The following CYP19A1 variants were observed in gnomAD, a reference collection of about 807,000 sequenced individuals.
The protein encoded by CYP19A1 is aromatase.
CYP19A1 carries 32 observed loss-of-function variants against 44.4 expected under a neutral mutation model. The ratio of observed to expected loss-of-function variants is 0.72; its 90% CI spans 0.54 to 0.97. The LOEUF (loss-of-function observed/expected upper bound fraction) is 0.97. CYP19A1 is among the 50% of genes least tolerant of loss of function. The pLI is 0.00. For synonymous variants in CYP19A1, 212 were observed against 215.6 expected (o/e 0.98, Z 0.14); for missense variants, 598 against 637.8 (o/e 0.94, Z 0.67).
intron 2 of CYP19A1, among the ~76,000 whole-genome samples, chr15:51,238,791 C>G (rs747780818): frequency 6.6e-6 from 1 of 152,104 alleles, no homozygotes; most frequent in Non-Finnish European, 1.5e-5. Context: ...AGAAGAGAAC[C>G]AGAGTTTTGA....
intron 1 of CYP19A1, among the ~76,000 whole-genome samples, chr15:51,264,418 T>TTGGTTAGTAGGGGAGACAGGGTGAATTGG (rs1368386151): frequency 6.6e-6 from 1 of 151,538 alleles, no homozygotes; most frequent in African/African-American, 2.4e-5. Flanking sequence ...ACCAAAGCCT[T>TTGGTTAGTAGGGGAGACAGGGTGAATTGG]TGGTTAGTAG....
At chr15:51,243,321 A>G (rs1720412845) in intron 1 of CYP19A1, among the ~76,000 whole-genome samples, 1 of 152,216 alleles carries the variant, frequency 6.6e-6, no homozygotes, top group African/African-American at 2.4e-5. Flanking sequence ...TTGTGACTTC[A>G]TCAGCAGGTT....
Position 51,212,476 on chromosome 15 carries a change from G to T in CYP19A1, c.1107C>A (p.Val369=), listed in dbSNP as rs767322330. ...AGGCTTTGCGCATGACCAAGTCCAC[G>T]ACAGGCTGGTACCGCATGCTCTCAT... is the stretch of plus-strand genomic sequence containing the variant. The part of the protein sequence containing the change: ...FIYESMRYQP[V]VDLVMRKALE... The change falls in exon 9 of 10, where the codon GTC becomes GTA. Residue 369 remains valine (V), a synonymous_variant. Coordinates refer to ENST00000396402, the MANE Select transcript of CYP19A1 (RefSeq NM_000103.4). The T allele has an allele frequency of 2.7e-5, 43 of 1,605,776 alleles. No individual in the cohort carries two copies. In the Middle Eastern group the frequency reaches 6.6e-4, roughly 25 times the overall value.
chr15:51,231,616 CACACATGCGCACACA>C (rs907548878), intron 3 of CYP19A1, among the ~76,000 whole-genome samples: 67 of 151,558 alleles, frequency 4.4e-4, no homozygotes, highest in African/African-American at 1.4e-3. Context: ...AAAGAAAAAC[CACACATGCGCACACA>C]TGTGTGCGCA....
intron 1 of CYP19A1, among the ~76,000 whole-genome samples, chr15:51,337,488 A>G (rs887105577): frequency 2.0e-5 from 3 of 152,256 alleles, no homozygotes; most frequent in Admixed American, 2.0e-4. Flanking sequence ...CTTGAGTAGC[A>G]TATCTAAAGT....
Position 51,212,417 on chromosome 15 carries a change from T to C in CYP19A1, c.1166A>G (p.Lys389Arg), listed in dbSNP as rs566597566. 51 of 1,606,556 alleles carry C rather than the reference T, an allele frequency of 3.2e-5. No homozygotes were observed. The highest frequency in any genetic ancestry group is 4.1e-5 in the Non-Finnish European group (48 of 1,173,178). The change falls in exon 9 of 10, where the codon AAA (lysine) becomes AGA (arginine). Residue 389 changes from lysine (K) to arginine (R), a missense_variant. Lys to Arg is a conservative substitution (Grantham distance 26, BLOSUM62 2). Transcript: ENST00000396402. ...EDDVIDGYPV[K>R]KGTNIILNIG... ...ATTCAGGATAATGTTTGTCCCCTTT[T>C]TCACTGGGTAGCCATCGATTACATC...
intron 1 of CYP19A1, among the ~76,000 whole-genome samples, chr15:51,324,472 C>T (rs1344893457): frequency 6.6e-6 from 1 of 152,202 alleles, no homozygotes; most frequent in Non-Finnish European, 1.5e-5. Flanking sequence ...TGATTGAGCC[C>T]CACTCTGATG....
rs1306286131 is a variant in CYP19A1, at chr15:51,300,391, ACT to A, written c.-39+38102_-39+38103del. Reference sequence around the variant, plus strand: ...TATTAGCTTCTCAGTGAGGAATAAGACTCTCAAGAAATCACTTTGGTGCATTT... The same window carrying A: ...TATTAGCTTCTCAGTGAGGAATAAGACTCAAGAAATCACTTTGGTGCATTT... On this transcript the variant is annotated intron_variant, in intron 1 of 9. Coordinates refer to ENST00000396402, the MANE Select transcript of CYP19A1 (RefSeq NM_000103.4). Among the ~76,000 whole-genome samples the A allele has an allele frequency of 7.2e-5, 11 of 152,210 alleles. No homozygotes were observed. In the South Asian group the frequency reaches 1.2e-3, roughly 17 times the overall value.
Position 51,285,873 on chromosome 15 carries a change from C to T in CYP19A1, c.-38-42923G>A, listed in dbSNP as rs141482033. On this transcript the variant is annotated intron_variant, in intron 1 of 9. Coordinates refer to ENST00000396402, the MANE Select transcript of CYP19A1 (RefSeq NM_000103.4). ...CTGTGTTTTCTCATTCCTTTGACTC[C>T]GCCAGACTTCGTCACCACCAAGGCC... 4.0e-4 allele frequency among the ~76,000 whole-genome samples: 61 copies of T among 152,268 alleles called. No individual in the cohort carries two copies. In the East Asian group the frequency reaches 5.6e-3, roughly 14 times the overall value.
rs2031524166 is a variant in CYP19A1 at position 51,215,874 on chromosome 15, C to A, written c.744-57G>T. 1.6e-5 allele frequency: 26 copies of A among 1,607,424 alleles called. No individual in the cohort carries two copies. In the South Asian group the frequency reaches 2.7e-4, roughly 17 times the overall value. On this transcript the variant is annotated intron_variant, in intron 6 of 9. Coordinates refer to ENST00000396402, the MANE Select transcript of CYP19A1 (RefSeq NM_000103.4). ...TACTCAGTTTAGACATCTAGCGAAA[C>A]AGATTTATTTGCCATGTATTTAGGT...
chr15:51,210,686 C>G lies in CYP19A1; in HGVS notation c.*122G>C, dbSNP rs749188409. ...TTGGTGACAACCCATAGGAGGTATG[C>G]CTATAAAATGCCATGGGCCACTGAG... On this transcript the variant is annotated 3_prime_UTR_variant, in exon 10 of 10. Transcript: ENST00000396402. 1 of 786,796 alleles carries G rather than the reference C, an allele frequency of 1.3e-6. No homozygotes were observed. Among genetic ancestry groups the G allele is most frequent in the East Asian group, 2.4e-5 (1 of 41,162 alleles). The allele number at this position is 786,796 out of a possible 1,614,324, so 48.7% of individuals were successfully genotyped here.
chr15:51,238,936 C>A (rs2033582120), intron 2 of CYP19A1, among the ~76,000 whole-genome samples: 1 of 152,026 alleles, frequency 6.6e-6, no homozygotes, highest in Non-Finnish European at 1.5e-5. Context: ...AGTCTAGGGG[C>A]AAGAGAGGAG....
rs28757192 is a variant in CYP19A1 at position 51,215,413 on chromosome 15, C to T, written c.859-181G>A. ...TTAGCTGAAAGATGAACGATTAGGC[C>T]GACTGTCTATGTATATGTAGTGTCT... On this transcript the variant is annotated intron_variant, in intron 7 of 9. Transcript: ENST00000396402. Among the ~76,000 whole-genome samples the T allele has an allele frequency of 0.037, 5,577 of 152,196 alleles. 126 individuals carry two copies. Among genetic ancestry groups the T allele is most frequent in the African/African-American group, 0.06 (2,500 of 41,500 alleles).
intron 1 of CYP19A1, among the ~76,000 whole-genome samples, chr15:51,335,819 A>G (rs895456553): frequency 6.6e-6 from 1 of 152,226 alleles, no homozygotes; most frequent in Non-Finnish European, 1.5e-5. Flanking sequence ...TAAAGGCCTC[A>G]GCCCTACAAG....
chr15:51,214,884 A>T lies in CYP19A1; in HGVS notation c.1021+186T>A, dbSNP rs1019548276. 7.4e-6 allele frequency: 7 copies of T among 947,508 alleles called. No individual in the cohort carries two copies. In the African/African-American group the frequency reaches 1.0e-4, roughly 14 times the overall value. 58.7% of individuals were successfully genotyped at this position (947,508 alleles called of 1,614,324 possible). On this transcript the variant is annotated intron_variant, in intron 8 of 9. Coordinates refer to ENST00000396402, the MANE Select transcript of CYP19A1 (RefSeq NM_000103.4). Reference sequence around the variant, plus strand: ...ATGAGCATGCATCATTTTTATGATTAAGAACACAGAAAGAGCTATCTTTTC... The same window carrying T: ...ATGAGCATGCATCATTTTTATGATTTAGAACACAGAAAGAGCTATCTTTTC...
At chr15:51,287,586 C>T (rs2035736829) in intron 1 of CYP19A1, among the ~76,000 whole-genome samples, 1 of 152,234 alleles carries the variant, frequency 6.6e-6, no homozygotes, top group Admixed American at 6.5e-5. Flanking sequence ...GCTTTGTCTC[C>T]TGGGCCCAAA....
At chr15:51,241,342 C>A (rs545291712) in intron 2 of CYP19A1, among the ~76,000 whole-genome samples, 4 of 152,250 alleles carry the variant, frequency 2.6e-5, no homozygotes, top group Admixed American at 2.6e-4. Flanking sequence ...GGAGCAGGGT[C>A]CAGGAACAGA....
chr15:51,255,860 C>A (rs1260373869), intron 1 of CYP19A1: 2 of 152,172 alleles, frequency 1.3e-5, no homozygotes, highest in Non-Finnish European at 2.9e-5. Flanking sequence ...CTAAAGAGCT[C>A]TCTTTTCACA....
At chr15:51,322,340 T>C (rs1334798940) in intron 1 of CYP19A1, among the ~76,000 whole-genome samples, 2 of 152,260 alleles carry the variant, frequency 1.3e-5, no homozygotes, top group Non-Finnish European at 2.9e-5. Context: ...AACTGTGCAA[T>C]CCTTACCTGA....
Sources: gnomAD v4.1 joint callset for allele counts (sites outside exome capture counted in the v4.1 genomes callset) on GRCh38, gnomAD v4.1.1 for gene constraint, MANE v1.5 for transcripts, NCBI Gene and HGNC (gene_info 2026-07-23, HGNC 2026-07-21) for gene names.